Variants in IPO5 observed in about 807,000 individuals in gnomAD.
IPO5 encodes the protein importin-5.
A neutral mutation model predicts 143.3 loss-of-function variants in IPO5; 18 were observed. That is an observed-to-expected ratio of 0.13 (90% CI 0.09 to 0.19). The LOEUF is 0.19. Ranked by LOEUF, IPO5 falls within the 10% of genes least tolerant of loss-of-function variation. The pLI is 1.00. For missense variants in IPO5, 1,013 were observed against 1,336.9 expected (o/e 0.76, Z 3.78); for synonymous variants, 477 against 465.7 (o/e 1.02, Z -0.31).
chr13:98,007,971 T>C (rs1889406556), intron 17 of IPO5, 88 bp from the exon 18 acceptor site: 1 of 719,150 alleles, frequency 1.4e-6, no homozygotes, highest in South Asian at 1.7e-5. Context: ...ATGTGGGCAA[T>C]GTAGTCGATT....
chr13:97,968,294 C>T (rs2139538406), intron 2 of IPO5, among the ~76,000 whole-genome samples: 1 of 152,314 alleles, frequency 6.6e-6, no homozygotes, highest in Non-Finnish European at 1.5e-5. Context: ...TGTTTTACAG[C>T]CTAACATATG....
chr13:98,021,230 A>G, intron 28 of IPO5, 97 bp downstream of exon 28: 2 of 1,118,052 alleles, frequency 1.8e-6, no homozygotes, highest in Non-Finnish European at 1.3e-6. Flanking sequence ...GAGCTAAGGA[A>G]TTTTATTTTT....
chr13:98,017,571 T>G (rs1325778540), intron 25 of IPO5, among the ~76,000 whole-genome samples: 1 of 152,026 alleles, frequency 6.6e-6, no homozygotes, highest in African/African-American at 2.4e-5. Flanking sequence ...GTGCTGGGAT[T>G]ACAGGCATGA....
intron 3 of IPO5, among the ~76,000 whole-genome samples, chr13:97,976,280 C>G (rs1886293570): frequency 6.6e-6 from 1 of 151,420 alleles, no homozygotes; most frequent in Non-Finnish European, 1.5e-5. Flanking sequence ...GCCCAGGCCT[C>G]GACCTCGACC....
chr13:98,001,248 T>C (rs1321866415), intron 13 of IPO5, among the ~76,000 whole-genome samples: 2 of 152,236 alleles, frequency 1.3e-5, no homozygotes, highest in South Asian at 2.1e-4. Flanking sequence ...CCAAAGTTTA[T>C]TGTTGTATGT....
At chr13:97,996,658 A>G (rs1243936534) in intron 11 of IPO5, among the ~76,000 whole-genome samples, 1 of 151,950 alleles carries the variant, frequency 6.6e-6, no homozygotes, top group African/African-American at 2.4e-5. Flanking sequence ...GCTGGAGTGC[A>G]GTGGTGTGAT....
At position 98,021,770 on chromosome 13, in the gene IPO5, A is replaced by T. The variant is rs748967343; in HGVS notation, c.3242A>T (p.Gln1081Leu). The change falls in exon 29 of 29, where the codon CAG (glutamine) becomes CTG (leucine). Residue 1081 changes from glutamine to leucine, a missense_variant. This residue lies in a region of IPO5 where 685 missense variants were observed against 994.9 expected (regional missense o/e 0.69). Coordinates refer to ENST00000651721, the MANE Select transcript of IPO5 (RefSeq NM_002271.6). ...GGACTGTGGACTGAGTGCATAGCACAGCTCAGTCCTGAGCAGCAGGCCGCC... is the reference window on the plus strand; with the variant it reads ...GGACTGTGGACTGAGTGCATAGCACTGCTCAGTCCTGAGCAGCAGGCCGCC... ...SGGLWTECIA[Q>L]LSPEQQAAIQ... 1 of 1,594,666 alleles carries T rather than the reference A, an allele frequency of 6.3e-7. No individual in the cohort carries two copies. Among genetic ancestry groups the T allele is most frequent in the Non-Finnish European group, 8.6e-7 (1 of 1,165,616 alleles).
At chr13:97,982,790 C>T (rs1291875623) in intron 5 of IPO5, among the ~76,000 whole-genome samples, 4 of 151,898 alleles carry the variant, frequency 2.6e-5, no homozygotes, top group African/African-American at 7.2e-5. Context: ...GCCTTTTTTC[C>T]GCATAAGATA....
intron 21 of IPO5, among the ~76,000 whole-genome samples, chr13:98,012,688 GTC>G (rs893321597): frequency 1.7e-4 from 26 of 151,894 alleles, no homozygotes; most frequent in African/African-American, 6.3e-4. Context: ...AAGAGATGGT[GTC>G]TCACTCTGTC....
intron 21 of IPO5, 102 bp downstream of exon 21, chr13:98,012,444 G>A: frequency 4.0e-6 from 3 of 753,526 alleles, no homozygotes; most frequent in South Asian, 3.0e-5. Context: ...CACCATGATT[G>A]TTTGTATTTG....
chr13:98,010,780 C>CGTTTTTTTTTTTTTTTTTTTTTTTTTTT (rs1889639079), intron 20 of IPO5, among the ~76,000 whole-genome samples: 3 of 70,028 alleles, frequency 4.3e-5, no homozygotes, highest in African/African-American at 2.8e-4. Flanking sequence ...AAGGATAATC[C>CGTTTTTTTTTTTTTTTTTTTTTTTTTTT]TTTTTTTTTT....
At chr13:97,991,356 G>T (rs2139696193) in intron 9 of IPO5, among the ~76,000 whole-genome samples, 1 of 152,286 alleles carries the variant, frequency 6.6e-6, no homozygotes, top group South Asian at 2.1e-4. Context: ...CAAGTGATCT[G>T]TACAAATGCA....
At position 98,006,284 on chromosome 13, in the gene IPO5, G is replaced by T; in HGVS notation, c.1652G>T (p.Arg551Ile). 6.3e-7 allele frequency: 1 copy of T among 1,591,170 alleles called. No individual in the cohort carries two copies. The highest frequency in any genetic ancestry group is 8.6e-7 in the Non-Finnish European group (1 of 1,166,548). The stretch of plus-strand genomic sequence containing the variant: ...GAGAATGCGGTTCAAAAAGAACTGA[G>T]ACTTCTGAGAGGAAAAACTATTGAA... ...IVENAVQKEL[R>I]LLRGKTIECI... Residue 551 changes from arginine to isoleucine, a missense_variant, in exon 17 of 29, where the codon AGA becomes ATA. Coordinates refer to ENST00000651721, the MANE Select transcript of IPO5 (RefSeq NM_002271.6).
chr13:97,975,912 G>A, intron 3 of IPO5: 1 of 985,550 alleles, frequency 1.0e-6, no homozygotes, highest in South Asian at 4.7e-5. Context: ...AGTCACTGGA[G>A]AGCGCGACGG....
chr13:97,965,463 T>G (rs529170177), intron 2 of IPO5, among the ~76,000 whole-genome samples: 12 of 152,338 alleles, frequency 7.9e-5, no homozygotes, highest in African/African-American at 2.9e-4. Context: ...ATCTTAATAA[T>G]ATTAAATCTC....
chr13:98,012,631 C>A (rs151003286), intron 21 of IPO5, among the ~76,000 whole-genome samples: 4 of 152,094 alleles, frequency 2.6e-5, no homozygotes, highest in Admixed American at 2.0e-4. Context: ...TTGCTACTTT[C>A]CCCAAATATC....
chr13:97,985,665 T>C (rs1294014411), intron 6 of IPO5, 52 bp downstream of exon 6: 3 of 454,202 alleles, frequency 6.6e-6, no homozygotes, highest in East Asian at 4.7e-5. Flanking sequence ...TATCCTTCCT[T>C]TTTTTTTTTT....
chr13:97,977,795 A>G (rs998397048), intron 4 of IPO5, among the ~76,000 whole-genome samples: 6 of 152,196 alleles, frequency 3.9e-5, no homozygotes, highest in African/African-American at 9.6e-5. Flanking sequence ...CTGACCGCCA[A>G]ACTTGGTTAT....
At chr13:98,015,301 A>G (rs1262540928) in intron 22 of IPO5, among the ~76,000 whole-genome samples, 3 of 151,190 alleles carry the variant, frequency 2.0e-5, no homozygotes, top group Non-Finnish European at 2.9e-5. Flanking sequence ...AGTACCAAGC[A>G]TGATGCCTGG....
Sources: gnomAD v4.1 joint callset for allele counts (sites outside exome capture counted in the v4.1 genomes callset) on GRCh38, gnomAD v4.1.1 for gene constraint, gnomAD v4.1.1 regional missense constraint, MANE v1.5 for transcripts, NCBI Gene and HGNC (gene_info 2026-07-23, HGNC 2026-07-21) for gene names.